Variants in LAMA1 observed in about 807,000 individuals in gnomAD.
The protein encoded by LAMA1 is laminin subunit alpha 1.
In LAMA1, 219 loss-of-function variants were observed where a neutral mutation model predicts 348.7. That is an observed-to-expected ratio of 0.63 (90% CI 0.56 to 0.70). LAMA1 has a LOEUF of 0.70. Among genes scored for constraint, LAMA1 ranks in the 30% least tolerant of loss-of-function variants. The pLI is 0.00. For synonymous variants in LAMA1, 1,487 were observed against 1,491.0 expected (o/e 1.00, Z 0.06); for missense variants, 3,744 against 3,888.0 (o/e 0.96, Z 0.99).
chr18:7,110,639 C>T (rs748836706), intron 1 of LAMA1, among the ~76,000 whole-genome samples: 9 of 152,008 alleles, frequency 5.9e-5, no homozygotes, highest in East Asian at 3.9e-4. Flanking sequence ...CTGGCCAACA[C>T]GGCAAAACCC....
chr18:6,965,998 C>CAT (rs1300037396), intron 49 of LAMA1, 149 bp downstream of exon 49: 3 of 796,346 alleles, frequency 3.8e-6, no homozygotes, highest in Non-Finnish European at 6.0e-6. Flanking sequence ...TTAGCACACA[C>CAT]ATATATTAAT....
At chr18:7,089,517 C>A (rs2058231254) in intron 1 of LAMA1, among the ~76,000 whole-genome samples, 2 of 152,338 alleles carry the variant, frequency 1.3e-5, no homozygotes, top group South Asian at 4.1e-4. Context: ...AGGCCCATGA[C>A]CTCTCACCCA....
At chr18:7,077,232 C>G (rs567650648) in intron 3 of LAMA1, among the ~76,000 whole-genome samples, 1 of 137,532 alleles carries the variant, frequency 7.3e-6, no homozygotes, top group South Asian at 2.2e-4. Context: ...GACGGAGTCT[C>G]GCTCTGTCGC....
At chr18:7,083,388 G>A (rs1191969769) in intron 1 of LAMA1, among the ~76,000 whole-genome samples, 1 of 151,774 alleles carries the variant, frequency 6.6e-6, no homozygotes, top group Non-Finnish European at 1.5e-5. Flanking sequence ...GTTTCACCAT[G>A]TTGGTCAGGC....
chr18:6,992,785 C>G (rs2057764644), intron 35 of LAMA1, 65 bp from the exon 36 acceptor site: 3 of 1,374,602 alleles, frequency 2.2e-6, no homozygotes, highest in Non-Finnish European at 3.1e-6. Flanking sequence ...AAGTGAAGAA[C>G]TTAGAAACTT....
At position 7,080,084 on chromosome 18, in the gene LAMA1, C is replaced by T. The variant is rs1387905998; in HGVS notation, c.236G>A (p.Arg79His). Residue 79 changes from arginine (R) to histidine (H), a missense_variant, in exon 3 of 63, where the codon CGC becomes CAC. By Grantham distance (29) the Arg-to-His change is conservative. Transcript: ENST00000389658. ...ATCTATGGCATGTGATATTGGATGG[C>T]GTTCTGTTGAAAGAAAATAAAAAAC... Reference protein sequence around the residue: ...CDGNSANPRERHPISHAIDGT... With the variant: ...CDGNSANPREHHPISHAIDGT... 7.4e-6 allele frequency: 12 copies of T among 1,611,226 alleles called. No homozygotes were observed. Among genetic ancestry groups the T allele is most frequent in the Admixed American group, 1.7e-5 (1 of 59,984 alleles).
intron 19 of LAMA1, among the ~76,000 whole-genome samples, chr18:7,022,294 T>C (rs553667553): frequency 3.9e-5 from 6 of 152,294 alleles, no homozygotes; most frequent in South Asian, 4.1e-4. Context: ...AGAAATGACA[T>C]GAAAATGATA....
At chr18:6,957,246 C>T (rs1234644638) in intron 55 of LAMA1, 2 of 185,598 alleles carry the variant, frequency 1.1e-5, no homozygotes, top group Non-Finnish European at 2.3e-5. Flanking sequence ...CGCACGTCCC[C>T]CTGGCACTTT....
chr18:6,979,759 G>A (rs11081291), intron 42 of LAMA1, among the ~76,000 whole-genome samples: 1 of 146,004 alleles, frequency 6.8e-6, no homozygotes, highest in East Asian at 2.0e-4. Context: ...ATTAGCCGGG[G>A]ACGGTGGCGG....
At position 7,072,017 on chromosome 18, in the gene LAMA1, G is replaced by T. The variant is rs529401462; in HGVS notation, c.345+7958C>A. 1.5e-3 allele frequency among the ~76,000 whole-genome samples: 232 copies of T among 152,294 alleles called. 1 individual carries two copies. Among genetic ancestry groups the T allele is most frequent in the African/African-American group, 4.9e-3 (203 of 41,568 alleles). On this transcript the variant is annotated intron_variant, in intron 3 of 62. Transcript: ENST00000389658. ...AAATGACAAAGTAAATATCCCAAGG[G>T]ATCAATTAGCGATTGTTACAGAGCG...
chr18:6,971,125 G>A (rs556638468), intron 48 of LAMA1, among the ~76,000 whole-genome samples: 12 of 152,098 alleles, frequency 7.9e-5, no homozygotes, highest in East Asian at 7.7e-4. Context: ...TTTCTCTAAC[G>A]GAAAAAAGCA....
At chr18:6,977,046 C>T (rs2057685808) in intron 44 of LAMA1, among the ~76,000 whole-genome samples, 1 of 152,202 alleles carries the variant, frequency 6.6e-6, no homozygotes, top group Non-Finnish European at 1.5e-5. Flanking sequence ...CCCTAGAAAG[C>T]CTCAGGTGGA....
In LAMA1 at chr18:6,949,220, C is replaced by T. The variant is rs761856929; in HGVS notation, c.8437G>A (p.Val2813Ile). 1.2e-6 allele frequency: 2 copies of T among 1,614,194 alleles called. No individual in the cohort carries two copies. Among genetic ancestry groups the T allele is most frequent in the East Asian group, 2.2e-5 (1 of 44,884 alleles). The change falls in exon 59 of 63, where the codon GTC (valine) becomes ATC (isoleucine). Residue 2813 changes from valine to isoleucine, a missense_variant. By Grantham distance (29) the Val-to-Ile change is conservative. Coordinates refer to ENST00000389658, the MANE Select transcript of LAMA1 (RefSeq NM_005559.4). ...ACCATGGGAGACTCTCGGCCGTCGA[C>T]AGTTATGAAGCCTTTTCTTTTAACA... ...DYVKRKGFIT[V>I]DGRESPMVTV...
intron 1 of LAMA1, among the ~76,000 whole-genome samples, chr18:7,105,867 A>G (rs944757211): frequency 6.6e-6 from 1 of 152,240 alleles, no homozygotes; most frequent in Non-Finnish European, 1.5e-5. Context: ...CGAATGACCA[A>G]GTCAGCAAAG....
intron 41 of LAMA1, 26 bp downstream of exon 41, chr18:6,982,471 C>G: frequency 1.2e-6 from 2 of 1,601,588 alleles, no homozygotes; most frequent in Middle Eastern, 1.7e-4. Context: ...CTCTGCCTGT[C>G]TACACCGTCC....
chr18:6,968,909 CAGAA>C (rs2057645884), intron 48 of LAMA1, among the ~76,000 whole-genome samples: 1 of 152,062 alleles, frequency 6.6e-6, no homozygotes, highest in South Asian at 2.1e-4. Flanking sequence ...TATACACAAA[CAGAA>C]AGGGACAAGG....
At chr18:7,040,991 G>A (rs71360062) in intron 9 of LAMA1, among the ~76,000 whole-genome samples, 3 of 152,274 alleles carry the variant, frequency 2.0e-5, no homozygotes, top group Non-Finnish European at 2.9e-5. Context: ...GAAGGGGCTG[G>A]AGGAAAGTAA....
chr18:6,972,867 T>C (rs1276110748), intron 47 of LAMA1, among the ~76,000 whole-genome samples, 190 bp downstream of exon 47: 5 of 152,172 alleles, frequency 3.3e-5, no homozygotes, highest in African/African-American at 9.7e-5. Context: ...ATTTTGTATT[T>C]TTAGTAGAGA....
chr18:7,078,093 C>A, intron 3 of LAMA1, among the ~76,000 whole-genome samples: 1 of 147,290 alleles, frequency 6.8e-6, no homozygotes, highest in African/African-American at 2.5e-5. Context: ...AAAAACAAAA[C>A]ACAACAACAA....
Sources: gnomAD v4.1 joint callset for allele counts (sites outside exome capture counted in the v4.1 genomes callset) on GRCh38, gnomAD v4.1.1 for gene constraint, MANE v1.5 for transcripts, NCBI Gene and HGNC (gene_info 2026-07-23, HGNC 2026-07-21) for gene names.